PACS1: variants seen among roughly 807,000 people sequenced by gnomAD.
PACS1 encodes the protein phosphofurin acidic cluster sorting protein 1, also known as PACS-1.
Under a neutral mutation model 115.0 loss-of-function variants are expected in PACS1, and 24 were observed. The ratio of observed to expected loss-of-function variants is 0.21; its 90% confidence interval spans 0.15 to 0.29. The LOEUF is 0.29. PACS1 is among the 10% of genes least tolerant of loss of function. The pLI is 1.00. For missense variants in PACS1, 838 were observed against 1,251.2 expected, an observed-to-expected ratio of 0.67 and a Z score of 4.98; for synonymous variants, 453 against 504.5, an observed-to-expected ratio of 0.90 and a Z score of 1.37.
intron 1 of PACS1, among the ~76,000 whole-genome samples, chr11:66,073,872 C>T (rs1375787959): frequency 3.3e-5 from 5 of 151,000 alleles, no homozygotes; most frequent in African/African-American, 1.2e-4. Flanking sequence ...CCAGCCTCAG[C>T]CTCCCAAGTA....
chr11:66,118,337 C>T (rs1162690198), intron 1 of PACS1, among the ~76,000 whole-genome samples: 1 of 152,192 alleles, frequency 6.6e-6, no homozygotes. Flanking sequence ...AGGGGCCGGG[C>T]GCTGTGGCTC....
intron 1 of PACS1, among the ~76,000 whole-genome samples, chr11:66,158,553 TA>T (rs1327052653): frequency 3.3e-5 from 5 of 152,098 alleles, no homozygotes; most frequent in Non-Finnish European, 7.4e-5. Context: ...CAGAAAAAAC[TA>T]ACTGGGTATG....
chr11:66,095,174 A>T (rs1192532174), intron 1 of PACS1, among the ~76,000 whole-genome samples: 1 of 151,250 alleles, frequency 6.6e-6, no homozygotes, highest in Admixed American at 6.6e-5. Context: ...CCTATTCAAC[A>T]TAGTGTTGGA....
chr11:66,219,975 A>C (rs1483965493), intron 8 of PACS1, among the ~76,000 whole-genome samples, 170 bp downstream of exon 8: 3 of 151,898 alleles, frequency 2.0e-5, no homozygotes, highest in Non-Finnish European at 4.4e-5. Flanking sequence ...GCTAAGAAGG[A>C]CTTAAGCAAG....
chr11:66,156,998 G>A (rs2134619025), intron 1 of PACS1, among the ~76,000 whole-genome samples: 1 of 152,232 alleles, frequency 6.6e-6, no homozygotes, highest in Middle Eastern at 3.4e-3. Context: ...TTGTGGTGAT[G>A]TTCTTCTAGG....
chr11:66,217,700 T>A, intron 7 of PACS1: 1 of 438,980 alleles, frequency 2.3e-6, no homozygotes, highest in Middle Eastern at 3.4e-4. Flanking sequence ...TCCTCAGGTA[T>A]CCACCTCTCA....
intron 1 of PACS1, among the ~76,000 whole-genome samples, chr11:66,182,245 A>G (rs543348336): frequency 1.3e-5 from 2 of 152,318 alleles, no homozygotes; most frequent in East Asian, 3.9e-4. Context: ...AAAGATAAAC[A>G]TACCCTGAGT....
At chr11:66,182,275 A>G (rs1860027661) in intron 1 of PACS1, among the ~76,000 whole-genome samples, 1 of 152,178 alleles carries the variant, frequency 6.6e-6, no homozygotes, top group South Asian at 2.1e-4. Context: ...TTTTCTTAGA[A>G]TCTTATGTCC....
rs201743239 is a variant in PACS1, at chr11:66,081,418, G to GC, written c.356+10584dup. ...TCAACCTAATTTCTCCGTCTTCCCTGCCCCCCCCAACCAAAACAAAACAAA... is the reference window on the plus strand; with the variant it reads ...TCAACCTAATTTCTCCGTCTTCCCTGCCCCCCCCCAACCAAAACAAAACAAA... On this transcript the variant is annotated intron_variant, in intron 1 of 23. Transcript: ENST00000320580. 5.4e-3 allele frequency among the ~76,000 whole-genome samples: 809 copies of GC among 151,136 alleles called. 4 individuals are homozygous for GC. Among genetic ancestry groups the GC allele is most frequent in the African/African-American group, 0.018 (722 of 41,112 alleles).
chr11:66,220,175 T>C (rs1344276715), intron 8 of PACS1: 4 of 348,488 alleles, frequency 1.1e-5, no homozygotes, highest in Non-Finnish European at 2.2e-5. Flanking sequence ...AATGTCCTTG[T>C]TGGTCAGCCC....
At chr11:66,198,867 A>G (rs780864878) in intron 2 of PACS1, among the ~76,000 whole-genome samples, 22 of 152,340 alleles carry the variant, frequency 1.4e-4, no homozygotes, top group Non-Finnish European at 2.4e-4. Flanking sequence ...ATGTAAACAC[A>G]TAATAGGTTT....
intron 1 of PACS1, among the ~76,000 whole-genome samples, chr11:66,133,472 A>T (rs1011351460): frequency 5.3e-5 from 8 of 152,178 alleles, no homozygotes; most frequent in Non-Finnish European, 1.2e-4. Context: ...GGAACAGCTG[A>T]TAATGTCCGT....
intron 1 of PACS1, among the ~76,000 whole-genome samples, chr11:66,148,268 G>A (rs1247501518): frequency 6.6e-6 from 1 of 152,124 alleles, no homozygotes; most frequent in Admixed American, 6.5e-5. Flanking sequence ...GATCCTCTCA[G>A]CTTAGCTTCC....
At chr11:66,142,606 C>T (rs1273152776) in intron 1 of PACS1, among the ~76,000 whole-genome samples, 1 of 142,014 alleles carries the variant, frequency 7.0e-6, no homozygotes, top group Non-Finnish European at 1.5e-5. Context: ...CTGCGTCTGG[C>T]TTATCAGCAT....
At position 66,233,780 on chromosome 11, in the gene PACS1, C is replaced by T; in HGVS notation, c.1839-5C>T. 2 of 1,613,166 alleles carry T rather than the reference C, an allele frequency of 1.2e-6. No individual in the cohort carries two copies. The highest frequency in any genetic ancestry group is 1.3e-5 in the African/African-American group (1 of 75,032). On this transcript the variant is annotated splice_polypyrimidine_tract_variant and splice_region_variant and intron_variant, in intron 15 of 23. Coordinates refer to ENST00000320580, the MANE Select transcript of PACS1 (RefSeq NM_018026.4). This position sits in a 1 kb window ranked among gnomAD's most constrained non-coding sequence, Gnocchi z 4.5. Reference sequence around the variant, plus strand: ...CACTGCTATGACGCTCCCCTTCCTCCCCAGCTGCAACTGCAACTCTTCCAT... The same window carrying T: ...CACTGCTATGACGCTCCCCTTCCTCTCCAGCTGCAACTGCAACTCTTCCAT...
intron 2 of PACS1, among the ~76,000 whole-genome samples, chr11:66,206,483 G>A (rs1456435135): frequency 6.6e-6 from 1 of 152,162 alleles, no homozygotes; most frequent in African/African-American, 2.4e-5. Context: ...GCGATCCCGT[G>A]ACACACTGCA....
chr11:66,195,968 A>G (rs1007146488), intron 2 of PACS1, among the ~76,000 whole-genome samples: 3 of 152,230 alleles, frequency 2.0e-5, no homozygotes, highest in African/African-American at 7.2e-5. Flanking sequence ...TTTTGCACTG[A>G]AAGTACAAGA....
Position 66,075,465 on chromosome 11 carries a change from C to T in PACS1, c.356+4623C>T, listed in dbSNP as rs942390488. The stretch of plus-strand genomic sequence containing the variant: ...CTGTGTTGCCCAGGCTGGTCTCGAA[C>T]TCCTGGGCTCAAGTGATCCTCCCGC... On this transcript the variant is annotated intron_variant, in intron 1 of 23. Coordinates refer to ENST00000320580, the MANE Select transcript of PACS1 (RefSeq NM_018026.4). Among the ~76,000 whole-genome samples, 5 of 152,140 alleles carry T rather than the reference C, an allele frequency of 3.3e-5. No individual in the cohort carries two copies. The East Asian group carries it at 7.7e-4, about 23-fold the overall frequency.
chr11:66,176,572 C>T (rs1179937467), intron 1 of PACS1, among the ~76,000 whole-genome samples: 1 of 152,044 alleles, frequency 6.6e-6, no homozygotes, highest in Non-Finnish European at 1.5e-5. Context: ...TGCTACCACG[C>T]CTGGCTAATT....
Sources: allele counts gnomAD v4.1 joint callset (sites outside exome capture counted in the v4.1 genomes callset), GRCh38; gene constraint gnomAD v4.1.1; non-coding constraint Gnocchi (gnomAD v3.1); transcripts MANE v1.5; gene names NCBI Gene and HGNC (gene_info 2026-07-23, HGNC 2026-07-21).